The following CDH1 variants were observed in gnomAD, a reference collection of about 807,000 sequenced individuals.
The protein encoded by CDH1 is cadherin 1.
A neutral mutation model predicts 84.5 loss-of-function variants in CDH1; 35 were observed. The ratio of observed to expected loss-of-function variants is 0.41; its 90% CI spans 0.32 to 0.55. The LOEUF (loss-of-function observed/expected upper bound fraction) is 0.55, where lower values mean the gene tolerates loss of function less well. CDH1 is among the 20% of genes least tolerant of loss of function. The pLI, the probability that CDH1 is intolerant of heterozygous loss-of-function variation, is 0.19. For synonymous variants in CDH1, 417 were observed against 439.0 expected (o/e 0.95, Z 0.63); for missense variants, 994 against 1,126.6 (o/e 0.88, Z 1.68).
chr16:68,811,622 C>T (rs1960831369), intron 6 of CDH1, 62 bp from the exon 7 acceptor site: 1 of 1,422,070 alleles, frequency 7.0e-7, no homozygotes, highest in Admixed American at 1.7e-5. Context: ...TTGGATTAAG[C>T]AGTATTGACC....
chr16:68,790,672 C>G (rs1207656286), intron 2 of CDH1, among the ~76,000 whole-genome samples: 1 of 152,154 alleles, frequency 6.6e-6, no homozygotes, highest in Non-Finnish European at 1.5e-5. Flanking sequence ...GCTGCCAACT[C>G]CTTGCTAGAA....
intron 2 of CDH1, among the ~76,000 whole-genome samples, chr16:68,760,460 A>G (rs752019960): frequency 5.9e-5 from 9 of 151,802 alleles, no homozygotes; most frequent in Non-Finnish European, 1.2e-4. Context: ...GGGAATGTGA[A>G]TTGTCTTGTA....
In CDH1 at chr16:68,820,551, C is replaced by T. The variant is rs993523140; in HGVS notation, c.1711+1126C>T. 3.9e-5 allele frequency among the ~76,000 whole-genome samples: 6 copies of T among 152,012 alleles called. 1 individual carries two copies. On this transcript the variant is annotated intron_variant, in intron 11 of 15. Transcript: ENST00000261769. ...ATTTTTAGTAGAAACGGGGTTTCAC[C>T]ATATTGGCCAAGCTGGTCTTGAACT... is the stretch of plus-strand genomic sequence containing the variant.
At position 68,815,527 on chromosome 16, in the gene CDH1, G is replaced by C. The variant is rs864622184; in HGVS notation, c.1333G>C (p.Glu445Gln). The change falls in exon 10 of 16, where the codon GAG becomes CAG. Residue 445 changes from glutamate (E) to glutamine (Q), a missense_variant. Physicochemically the swap from Glu to Gln is conservative, Grantham distance 29. This residue lies in a region of CDH1 where 769 missense variants were observed against 881.8 expected (regional missense o/e 0.87). Coordinates refer to ENST00000261769, the MANE Select transcript of CDH1 (RefSeq NM_004360.5). Reference protein sequence around the residue: ...ILKTAKGLDFEAKQQYILHVA... With the variant: ...ILKTAKGLDFQAKQQYILHVA... ...TTCTGCTCTCTAGGGCTTGGATTTT[G>C]AGGCCAAGCAGCAGTACATTCTACA... is the stretch of plus-strand genomic sequence containing the variant. 2 of 1,614,184 alleles carry C rather than the reference G, an allele frequency of 1.2e-6. No homozygotes were observed. The highest frequency in any genetic ancestry group is 1.7e-6 in the Non-Finnish European group (2 of 1,180,038).
intron 2 of CDH1, among the ~76,000 whole-genome samples, chr16:68,782,164 C>A (rs1959902663): frequency 6.6e-6 from 1 of 152,186 alleles, no homozygotes; most frequent in Admixed American, 6.5e-5. Flanking sequence ...AGGCAAGGGA[C>A]CACCACACCC....
intron 2 of CDH1, among the ~76,000 whole-genome samples, chr16:68,786,469 CCTA>C (rs1960047813): frequency 6.7e-6 from 1 of 150,358 alleles, no homozygotes; most frequent in African/African-American, 2.4e-5. Context: ...TGCACCTGAC[CCTA>C]CTTGGAATTC....
chr16:68,767,283 C>G (rs1051036494), intron 2 of CDH1, among the ~76,000 whole-genome samples: 2 of 152,016 alleles, frequency 1.3e-5, no homozygotes, highest in Non-Finnish European at 2.9e-5. Context: ...CAACCTCTAC[C>G]TCCCGGGCTC....
intron 2 of CDH1, among the ~76,000 whole-genome samples, chr16:68,761,247 C>T (rs746264982): frequency 6.6e-5 from 10 of 152,200 alleles, no homozygotes; most frequent in Non-Finnish European, 1.0e-4. Context: ...TCTGCCCTCC[C>T]GCTGCCTGGG....
At position 68,833,423 on chromosome 16, in the gene CDH1, A is replaced by G. The variant is rs1961541678; in HGVS notation, c.2573A>G (p.Asp858Gly). The change falls in exon 16 of 16, where the codon GAC becomes GGC. Residue 858 changes from aspartate to glycine, a missense_variant. Asp to Gly is a moderately conservative substitution (Grantham distance 94, BLOSUM62 -1). Coordinates refer to ENST00000261769, the MANE Select transcript of CDH1 (RefSeq NM_004360.5). ...TCCTCAGAGTCAGACAAAGACCAGG[A>G]CTATGACTACTTGAACGAATGGGGC... The part of the protein sequence containing the change: ...LNSSESDKDQ[D>G]YDYLNEWGNR... The G allele has an allele frequency of 6.2e-7, 1 of 1,614,192 alleles. No individual in the cohort carries two copies. The highest frequency in any genetic ancestry group is 8.5e-7 in the Non-Finnish European group (1 of 1,180,036).
chr16:68,759,199 G>A (rs997015635), intron 2 of CDH1, among the ~76,000 whole-genome samples: 3 of 151,406 alleles, frequency 2.0e-5, no homozygotes, highest in Admixed American at 6.6e-5. Flanking sequence ...CTCAGCCTCC[G>A]ACAAGTGGTG....
At chr16:68,786,674 T>C (rs1960060528) in intron 2 of CDH1, among the ~76,000 whole-genome samples, 1 of 151,960 alleles carries the variant, frequency 6.6e-6, no homozygotes. Context: ...GCAAATGCTC[T>C]TGGAAGCAGC....
intron 11 of CDH1, 85 bp downstream of exon 11, chr16:68,819,510 G>A (rs2152137183): frequency 4.4e-6 from 6 of 1,375,836 alleles, no homozygotes; most frequent in Non-Finnish European, 6.2e-6. Flanking sequence ...GGAGGGAAGA[G>A]TTCATTCTTT....
At chr16:68,747,271 T>G (rs1396879782) in intron 2 of CDH1, among the ~76,000 whole-genome samples, 1 of 152,000 alleles carries the variant, frequency 6.6e-6, no homozygotes, top group Non-Finnish European at 1.5e-5. Context: ...GGCAGGGTCA[T>G]GGAGGCAGAA....
At chr16:68,738,114 C>T (rs1962448220) in intron 1 of CDH1, among the ~76,000 whole-genome samples, 183 bp from the exon 2 acceptor site, 1 of 148,798 alleles carries the variant, frequency 6.7e-6, no homozygotes, top group South Asian at 2.1e-4. Context: ...CCTGGGGGCT[C>T]GGCGGCCGTA....
At position 68,796,512 on chromosome 16, in the gene CDH1, G is replaced by A. The variant is rs571900529; in HGVS notation, c.164-5158G>A. 3.9e-5 allele frequency among the ~76,000 whole-genome samples: 6 copies of A among 152,310 alleles called. No homozygotes were observed. The South Asian group carries it at 1.2e-3, about 32-fold the overall frequency. On this transcript the variant is annotated intron_variant, in intron 2 of 15. Transcript: ENST00000261769. ...GGGATCGTCAAAGTGGGACTGTTCC[G>A]TGTGGCATGATGGCAATTTCAAGCA...
chr16:68,814,302 C>A (rs1382257540), intron 9 of CDH1: 2 of 153,024 alleles, frequency 1.3e-5, no homozygotes, highest in African/African-American at 4.8e-5. Flanking sequence ...AATCCCAGCA[C>A]TTTGGGAGGC....
intron 14 of CDH1, 62 bp downstream of exon 14, chr16:68,828,366 A>T (rs1256352820): frequency 6.4e-7 from 1 of 1,568,240 alleles, no homozygotes. Context: ...AGCAATGATT[A>T]GTAAGAGGTA....
chr16:68,778,884 G>A lies in CDH1; in HGVS notation c.164-22786G>A, dbSNP rs553864587. ...TATGGAATTGATTGAGGGGGAGAGA[G>A]GTTTTTCTCTTCCTGGCTCCCTTGG... On this transcript the variant is annotated intron_variant, in intron 2 of 15. Transcript: ENST00000261769. 5.3e-5 allele frequency among the ~76,000 whole-genome samples: 8 copies of A among 152,126 alleles called. No homozygotes were observed. In the East Asian group the frequency reaches 1.5e-3, roughly 29 times the overall value.
At chr16:68,775,173 A>G (rs778195564) in intron 2 of CDH1, among the ~76,000 whole-genome samples, 2 of 151,812 alleles carry the variant, frequency 1.3e-5, no homozygotes, top group Admixed American at 1.3e-4. Flanking sequence ...TACAATTAAC[A>G]TTGTCATATT....
Sources: gnomAD v4.1 joint callset for allele counts (sites outside exome capture counted in the v4.1 genomes callset) on GRCh38, gnomAD v4.1.1 for gene constraint, gnomAD v4.1.1 regional missense constraint, MANE v1.5 for transcripts, NCBI Gene and HGNC (gene_info 2026-07-23, HGNC 2026-07-21) for gene names.